ST3GAL2: variants seen among roughly 807,000 people sequenced by gnomAD.
ST3GAL2 encodes CMP-N-acetylneuraminate-beta-galactosamide-alpha-2,3-sialyltransferase 2.
Under a neutral mutation model 37.5 loss-of-function variants are expected in ST3GAL2, and 16 were observed. The ratio of observed to expected loss-of-function variants is 0.43; its 90% CI spans 0.29 to 0.65. The LOEUF is 0.65. Among genes scored for constraint, ST3GAL2 ranks in the 30% least tolerant of loss-of-function variants. The pLI, the probability that ST3GAL2 is intolerant of heterozygous loss-of-function variation, is 0.17. For synonymous variants in ST3GAL2, 238 were observed against 202.9 expected (o/e 1.17, Z -1.47); for missense variants, 383 against 487.8 (o/e 0.79, Z 2.02).
At chr16:70,419,750 C>T (rs1446004205) in intron 1 of ST3GAL2, among the ~76,000 whole-genome samples, 1 of 152,208 alleles carries the variant, frequency 6.6e-6, no homozygotes, top group Non-Finnish European at 1.5e-5. Context: ...CAGGTGAAAA[C>T]ATGGTTCTTT....
chr16:70,399,999 TC>T (rs2047544228), intron 1 of ST3GAL2: 1 of 152,280 alleles, frequency 6.6e-6, no homozygotes, highest in Non-Finnish European at 1.5e-5. Context: ...CCCTCTTCTC[TC>T]GACTGTGGAT....
At chr16:70,436,660 G>A (rs1227089774) in intron 1 of ST3GAL2, among the ~76,000 whole-genome samples, 3 of 151,782 alleles carry the variant, frequency 2.0e-5, no homozygotes, top group African/African-American at 7.3e-5. Flanking sequence ...CTCTCCAGGA[G>A]ACTATGACTC....
intron 1 of ST3GAL2, among the ~76,000 whole-genome samples, chr16:70,405,317 G>A (rs993575941): frequency 1.3e-4 from 20 of 151,914 alleles, no homozygotes; most frequent in African/African-American, 1.9e-4. Flanking sequence ...CGAGGCAGAC[G>A]GATCACGAGG....
chr16:70,405,288 T>C (rs535612705), intron 1 of ST3GAL2, among the ~76,000 whole-genome samples: 8 of 152,196 alleles, frequency 5.3e-5, no homozygotes, highest in Admixed American at 3.9e-4. Context: ...ACGCCTGTAA[T>C]CCCAGCACTT....
rs184841448 is a variant in ST3GAL2, at chr16:70,382,719, T to C, written c.879+86A>G. On this transcript the variant is annotated intron_variant, in intron 6 of 6. Transcript: ENST00000342907. ...CATGGATTCTGCCTACAGAAGCACATTCCTCTGTTAGCCTGCTAAGACCCG... is the reference window on the plus strand; with the variant it reads ...CATGGATTCTGCCTACAGAAGCACACTCCTCTGTTAGCCTGCTAAGACCCG... The C allele has an allele frequency of 1.5e-4, 232 of 1,580,924 alleles. No homozygotes were observed. In the African/African-American group the frequency reaches 3.0e-3, roughly 20 times the overall value.
intron 1 of ST3GAL2, among the ~76,000 whole-genome samples, chr16:70,427,759 A>T (rs1165969664): frequency 6.6e-6 from 1 of 152,136 alleles, no homozygotes; most frequent in African/African-American, 2.4e-5. Flanking sequence ...ATCTATTACA[A>T]ATCTCAACTA....
intron 1 of ST3GAL2, among the ~76,000 whole-genome samples, chr16:70,427,617 G>T (rs931722404): frequency 6.6e-6 from 1 of 152,094 alleles, no homozygotes; most frequent in Admixed American, 6.6e-5. Context: ...GATTACAGGC[G>T]TGAGCCACTG....
intron 1 of ST3GAL2, among the ~76,000 whole-genome samples, chr16:70,401,994 C>CAAAAA (rs749422742): frequency 1.8e-4 from 11 of 60,162 alleles, no homozygotes; most frequent in Middle Eastern, 0.019. Flanking sequence ...AACTCTGCCT[C>CAAAAA]AAAAAAAAAA....
rs776409709 is a variant in ST3GAL2 at position 70,388,559 on chromosome 16, G to A, written c.534-13C>T. ...CGCCTGATTCATCCTGCAGGGACAA[G>A]AGGGTGACATGAGAATCAACTGCCA... is the stretch of plus-strand genomic sequence containing the variant. On this transcript the variant is annotated splice_polypyrimidine_tract_variant and intron_variant, in intron 3 of 6. Transcript: ENST00000342907. 1 of 1,558,356 alleles carries A rather than the reference G, an allele frequency of 6.4e-7. No individual in the cohort carries two copies. Among genetic ancestry groups the A allele is most frequent in the East Asian group, 2.3e-5 (1 of 43,942 alleles).
chr16:70,385,062 T>C (rs1012616739), intron 4 of ST3GAL2, among the ~76,000 whole-genome samples: 6 of 151,862 alleles, frequency 4.0e-5, no homozygotes, highest in Non-Finnish European at 7.4e-5. Flanking sequence ...TCCCAGCACT[T>C]TGGGAGGCTG....
intron 4 of ST3GAL2, among the ~76,000 whole-genome samples, chr16:70,385,739 T>C (rs1016855944): frequency 6.7e-6 from 1 of 149,088 alleles, no homozygotes; most frequent in African/African-American, 2.5e-5. Flanking sequence ...AGCCCTGCTT[T>C]GTTGCCCAGG....
intron 1 of ST3GAL2, among the ~76,000 whole-genome samples, chr16:70,433,206 A>C (rs1272261691): frequency 6.6e-6 from 1 of 152,144 alleles, no homozygotes; most frequent in Non-Finnish European, 1.5e-5. Context: ...CAAGCTCTCT[A>C]GACTCCGTCC....
chr16:70,398,301 C>T lies in ST3GAL2; in HGVS notation c.230G>A (p.Gly77Asp), dbSNP rs1024328637. ...GKSCACRRCM[G>D]DAGASDWFDS... ...AAACCAGTCGGAGGCACCGGCATCGCCCATGCAGCGGCGACAGGCACAGCT... is the reference window on the plus strand; with the variant it reads ...AAACCAGTCGGAGGCACCGGCATCGTCCATGCAGCGGCGACAGGCACAGCT... The change falls in exon 2 of 7, where the codon GGC (glycine) becomes GAC (aspartate). Residue 77 changes from glycine to aspartate, a missense_variant. Physicochemically the swap from Gly to Asp is moderately conservative, Grantham distance 94. Around this residue, in one of 2 missense-constraint regions of ST3GAL2, gnomAD observed 223 missense variants for 239.1 expected, o/e 0.93. Transcript: ENST00000342907. The T allele has an allele frequency of 1.2e-6, 2 of 1,613,418 alleles. No homozygotes were observed. The highest frequency in any genetic ancestry group is 8.5e-7 in the Non-Finnish European group (1 of 1,180,040).
At chr16:70,394,695 CCAAA>C (rs112345366) in intron 3 of ST3GAL2, among the ~76,000 whole-genome samples, 16 of 152,316 alleles carry the variant, frequency 1.1e-4, no homozygotes, top group African/African-American at 2.6e-4. Context: ...GGATTTTTCA[CCAAA>C]CAATCAGCCA....
At chr16:70,431,437 C>T (rs867735315) in intron 1 of ST3GAL2, among the ~76,000 whole-genome samples, 2 of 152,204 alleles carry the variant, frequency 1.3e-5, no homozygotes, top group Non-Finnish European at 2.9e-5. Context: ...CCCCTCTCTG[C>T]CCCTGGGCCC....
chr16:70,383,780 TC>T (rs1390216048), intron 4 of ST3GAL2, among the ~76,000 whole-genome samples: 5 of 151,728 alleles, frequency 3.3e-5, no homozygotes, highest in Non-Finnish European at 5.9e-5. Flanking sequence ...TGGACTGCTC[TC>T]CCGTGGCTTG....
intron 1 of ST3GAL2, among the ~76,000 whole-genome samples, chr16:70,404,582 C>T (rs2047576692): frequency 6.6e-6 from 1 of 152,208 alleles, no homozygotes; most frequent in East Asian, 1.9e-4. Flanking sequence ...TTGGAACCCT[C>T]AGACTTTGCT....
chr16:70,421,361 C>T (rs911426774), intron 1 of ST3GAL2, among the ~76,000 whole-genome samples: 1 of 152,210 alleles, frequency 6.6e-6, no homozygotes, highest in East Asian at 1.9e-4. Context: ...GTGAGAAAAA[C>T]GAAGGTTGGG....
At position 70,376,671 on chromosome 16, in the gene ST3GAL2, C is replaced by G. The variant is rs1171971026; in HGVS notation, c.*5018G>C. ...TAAAAATATAGTTTCAGTATTTTAC[C>G]TTCCCTGATGCCTCTGACCTTGCCA... On this transcript the variant is annotated 3_prime_UTR_variant, in exon 7 of 7. Transcript: ENST00000342907. The G allele has an allele frequency of 1.3e-5, 2 of 152,092 alleles. No homozygotes were observed. Among genetic ancestry groups the G allele is most frequent in the Non-Finnish European group, 2.9e-5 (2 of 68,024 alleles). The allele number at this position is 152,092 out of a possible 1,614,324, so 9.4% of individuals were successfully genotyped here.
Sources: allele counts gnomAD v4.1 joint callset (sites outside exome capture counted in the v4.1 genomes callset), GRCh38; gene constraint gnomAD v4.1.1; regional missense constraint gnomAD v4.1.1; transcripts MANE v1.5; gene names NCBI Gene and HGNC (gene_info 2026-07-23, HGNC 2026-07-21).